GAS6: variants seen among roughly 807,000 people sequenced by gnomAD.
The protein encoded by GAS6 is growth arrest-specific protein 6.
Under a neutral mutation model 75.8 loss-of-function variants are expected in GAS6, and 41 were observed. The observed-to-expected ratio is 0.54, with a 90% CI of 0.42 to 0.70. GAS6 has a LOEUF of 0.70. Among genes scored for constraint, GAS6 ranks in the 30% least tolerant of loss-of-function variants. The probability of loss-of-function intolerance (pLI) is 0.00; values close to 1 mark genes in which losing one functional copy is unlikely to be tolerated. For missense variants in GAS6, 854 were observed against 940.2 expected, an observed-to-expected ratio of 0.91 and a Z score of 1.20; for synonymous variants, 432 against 412.6, an observed-to-expected ratio of 1.05 and a Z score of -0.57.
intron 2 of GAS6, among the ~76,000 whole-genome samples, chr13:113,859,675 T>G (rs2051955676): frequency 6.6e-6 from 1 of 152,168 alleles, no homozygotes; most frequent in Non-Finnish European, 1.5e-5. Flanking sequence ...TGTGTCTAGG[T>G]AGGGGTGTGT....
intron 6 of GAS6, 119 bp from the exon 7 acceptor site, chr13:113,835,754 G>A: frequency 6.7e-7 from 1 of 1,492,126 alleles, no homozygotes; most frequent in Non-Finnish European, 8.9e-7. Context: ...ACTCTGTGGG[G>A]CCAGCGCGCC....
In GAS6 at chr13:113,831,509, TTC is replaced by T. The variant is rs548626126; in HGVS notation, c.1143+788_1143+789del. ...GCGTGTAGCGTCAAGCAGCCCTGGC[TTC>T]TGTTCCCCACTCTGCTCGGGATAAA... On this transcript the variant is annotated intron_variant, in intron 10 of 14. Transcript: ENST00000327773. Among the ~76,000 whole-genome samples, 429 of 152,158 alleles carry T rather than the reference TTC, an allele frequency of 2.8e-3. 1 individual carries two copies. Among genetic ancestry groups the T allele is most frequent in the Admixed American group, 7.1e-3 (109 of 15,294 alleles).
At chr13:113,827,196 T>C in intron 11 of GAS6, 32 bp from the exon 12 acceptor site, 2 of 1,604,646 alleles carry the variant, frequency 1.2e-6, no homozygotes, top group Non-Finnish European at 1.7e-6. Flanking sequence ...CGTGGCTTCC[T>C]GGGAGCGAGA....
chr13:113,846,453 C>T, intron 4 of GAS6, 74 bp downstream of exon 4: 2 of 1,359,272 alleles, frequency 1.5e-6, no homozygotes, highest in Non-Finnish European at 2.1e-6. Context: ...CAGGGCCCTC[C>T]ACAAACCACA....
chr13:113,823,020 A>C, intron 13 of GAS6: 6 of 184,052 alleles, frequency 3.3e-5, no homozygotes, highest in East Asian at 2.6e-4. Context: ...TTTCCAGGGA[A>C]ATTGGAAAAC....
chr13:113,828,795 T>C lies in GAS6; in HGVS notation c.1144-84A>G, dbSNP rs111664139. The C allele has an allele frequency of 2.3e-5, 34 of 1,482,624 alleles. No homozygotes were observed. In the African/African-American group the frequency reaches 3.8e-4, roughly 16 times the overall value. 91.8% of individuals were successfully genotyped at this position (1,482,624 alleles called of 1,614,324 possible). A position where few individuals can be genotyped will look rare whatever the true frequency, so the allele number is the denominator to read the frequency against. ...ACTGAGAAAAACCACACTCATCCTC[T>C]CCTGAGCCAAGAGGGTCCCGACCTC... is the stretch of plus-strand genomic sequence containing the variant. On this transcript the variant is annotated intron_variant, in intron 10 of 14. Transcript: ENST00000327773.
Position 113,854,679 on chromosome 13 carries a change from C to T in GAS6, c.256-6629G>A, listed in dbSNP as rs549964798. On this transcript the variant is annotated intron_variant, in intron 2 of 14. Transcript: ENST00000327773. ...AGGCCCGCTGTCTTTCAGGGCAAGCCCCACCGAGGGCTGCCTGCTTTGAAG... is the reference window on the plus strand; with the variant it reads ...AGGCCCGCTGTCTTTCAGGGCAAGCTCCACCGAGGGCTGCCTGCTTTGAAG... Among the ~76,000 whole-genome samples the T allele has an allele frequency of 2.6e-5, 4 of 152,358 alleles. No homozygotes were observed. In the East Asian group the frequency reaches 7.7e-4, roughly 29 times the overall value.
At chr13:113,823,107 C>A (rs143125968) in intron 13 of GAS6, 1 of 391,154 alleles carries the variant, frequency 2.6e-6, no homozygotes. Flanking sequence ...TCTGCCCAAC[C>A]GAACAGGGGA....
Position 113,820,875 on chromosome 13 carries a change from C to T in GAS6, c.2026G>A (p.Ala676Thr), listed in dbSNP as rs768231297. The T allele has an allele frequency of 1.2e-5, 20 of 1,610,106 alleles. No individual in the cohort carries two copies. Among genetic ancestry groups the T allele is most frequent in the East Asian group, 4.5e-5 (2 of 44,856 alleles). Reference sequence around the variant, plus strand: ...CGTCCCGTGGGGGCCTAGGCTGCGGCGGGCTCCACGGGGGGGCAGGAGTGG... The same window carrying T: ...CGTCCCGTGGGGGCCTAGGCTGCGGTGGGCTCCACGGGGGGGCAGGAGTGG... The part of the protein sequence containing the change: ...TAHSCPPVEP[A>T]AA The change falls in exon 15 of 15, where the codon GCC (alanine) becomes ACC (threonine). Residue 676 changes from alanine (A) to threonine (T), a missense_variant. Transcript: ENST00000327773.
At chr13:113,838,904 G>A (rs1477046791) in intron 5 of GAS6, among the ~76,000 whole-genome samples, 1 of 152,146 alleles carries the variant, frequency 6.6e-6, no homozygotes, top group Non-Finnish European at 1.5e-5. Context: ...GGGACCCCAG[G>A]GCTTGGACCT....
At position 113,846,534 on chromosome 13, in the gene GAS6, G is replaced by C; in HGVS notation, c.336C>G (p.Cys112Trp). The C allele has an allele frequency of 6.2e-7, 1 of 1,613,982 alleles. No individual in the cohort carries two copies. The highest frequency in any genetic ancestry group is 8.5e-7 in the Non-Finnish European group (1 of 1,179,948). The change falls in exon 4 of 15, where the codon TGC becomes TGG. Residue 112 changes from cysteine to tryptophan, a missense_variant. Coordinates refer to ENST00000327773, the MANE Select transcript of GAS6 (RefSeq NM_000820.4). ...CAAAGGAGGCCGACTTACTTTGCAC[G>C]CAGGTGGCGAAGCCTGAGTTTTTGG... ...PYTKNSGFAT[C>W]VQNLPDQCTP... is the part of the protein sequence containing the mutation.
intron 11 of GAS6, 64 bp from the exon 12 acceptor site, chr13:113,827,228 G>A (rs1207215505): frequency 6.4e-7 from 1 of 1,558,688 alleles, no homozygotes. Flanking sequence ...GGATGCCCCA[G>A]TCGGTGGGTG....
At chr13:113,823,240 A>C in intron 13 of GAS6, 135 bp downstream of exon 13, 1 of 1,021,866 alleles carries the variant, frequency 9.8e-7, no homozygotes, top group Non-Finnish European at 1.4e-6. Flanking sequence ...GGCTTGGCTC[A>C]TCAGACCTCT....
chr13:113,839,995 C>T, intron 4 of GAS6, 145 bp from the exon 5 acceptor site: 1 of 1,197,646 alleles, frequency 8.3e-7, no homozygotes, highest in Non-Finnish European at 1.2e-6. Flanking sequence ...CCCTGGGCAC[C>T]CGAGCCCTCT....
intron 8 of GAS6, chr13:113,833,133 C>G: frequency 8.6e-7 from 1 of 1,167,508 alleles, no homozygotes; most frequent in Non-Finnish European, 1.1e-6. Flanking sequence ...TGGAAAGTTC[C>G]CTGTTCTGGG....
chr13:113,833,827 C>T (rs2051661780), intron 8 of GAS6: 2 of 1,011,936 alleles, frequency 2.0e-6, no homozygotes, highest in South Asian at 6.7e-5. Context: ...ACCGGTGTGA[C>T]AGGTCAGTGT....
At chr13:113,839,594 A>C in intron 5 of GAS6, 134 bp downstream of exon 5, 1 of 1,161,506 alleles carries the variant, frequency 8.6e-7, no homozygotes, top group Non-Finnish European at 1.2e-6. Flanking sequence ...AGGATACCTC[A>C]GGGCTGCAGC....
At position 113,863,729 on chromosome 13, in the gene GAS6, G is replaced by C; in HGVS notation, c.101C>G (p.Pro34Arg). The C allele has an allele frequency of 6.7e-7, 1 of 1,497,228 alleles. No homozygotes were observed. Among genetic ancestry groups the C allele is most frequent in the Non-Finnish European group, 8.9e-7 (1 of 1,127,802 alleles). The allele number at this position is 1,497,228 out of a possible 1,614,324, so 92.7% of individuals were successfully genotyped here. The change falls in exon 2 of 15, where the codon CCG (proline) becomes CGG (arginine). Residue 34 changes from proline to arginine, a missense_variant. Transcript: ENST00000327773. This position sits in a 1 kb window ranked among gnomAD's most constrained non-coding sequence, Gnocchi z 9.4. ...AAECALAALL[P>R]AREATQFLRP... ...CAGGAACTGCGTGGCCTCGCGCGCC[G>C]GCAACAGCGCGGCTGCCCGGAGGGA...
At chr13:113,854,200 G>A (rs988363063) in intron 2 of GAS6, among the ~76,000 whole-genome samples, 2 of 152,252 alleles carry the variant, frequency 1.3e-5, no homozygotes, top group East Asian at 1.9e-4. Context: ...GTCAGATGTG[G>A]ATGCTGGGAA....
Sources: gnomAD v4.1 joint callset for allele counts (sites outside exome capture counted in the v4.1 genomes callset) on GRCh38, gnomAD v4.1.1 for gene constraint, Gnocchi (gnomAD v3.1) non-coding constraint, MANE v1.5 for transcripts, NCBI Gene and HGNC (gene_info 2026-07-23, HGNC 2026-07-21) for gene names.